Variants in WNK2 observed in about 807,000 individuals in gnomAD.
The protein encoded by WNK2 is WNK lysine deficient protein kinase 2, also known as serine/threonine-protein kinase WNK2.
WNK2 carries 67 observed loss-of-function variants against 192.1 expected under a neutral mutation model. The observed-to-expected ratio is 0.35, with a 90% CI of 0.29 to 0.43. The LOEUF (loss-of-function observed/expected upper bound fraction) is 0.43. Among genes scored for constraint, WNK2 ranks in the 20% least tolerant of loss-of-function variants. The pLI, the probability that WNK2 is intolerant of heterozygous loss-of-function variation, is 1.00. For missense variants in WNK2, 2,698 were observed against 3,089.7 expected (o/e 0.87, Z 3.01); for synonymous variants, 1,439 against 1,393.9 (o/e 1.03, Z -0.72).
At chr9:93,225,839 G>A (rs1275812084) in intron 2 of WNK2, among the ~76,000 whole-genome samples, 1 of 152,206 alleles carries the variant, frequency 6.6e-6, no homozygotes, top group African/African-American at 2.4e-5. Context: ...GCTGAGCACT[G>A]CCATCTCCTC....
intron 2 of WNK2, among the ~76,000 whole-genome samples, chr9:93,202,497 A>G (rs565724828): frequency 4.4e-4 from 67 of 151,964 alleles, no homozygotes; most frequent in Non-Finnish European, 8.7e-4. Flanking sequence ...CGGCCCTACC[A>G]GGGGAGAGGA....
At chr9:93,186,327 G>T (rs1587710461) in intron 2 of WNK2, among the ~76,000 whole-genome samples, 2 of 152,196 alleles carry the variant, frequency 1.3e-5, no homozygotes, top group Non-Finnish European at 2.9e-5. Flanking sequence ...GGCTGCAGAG[G>T]CTCTGGGCAT....
chr9:93,297,887 C>T lies in WNK2; in HGVS notation c.5743C>T (p.Gln1915Ter). The change falls in exon 24 of 30, where the codon CAG (glutamine) becomes TAG (stop). Residue 1915 changes from glutamine to a stop codon, truncating the protein, a stop_gained. Coordinates refer to ENST00000427277, the MANE Select transcript of WNK2 (RefSeq NM_006648.4). LOFTEE classifies it high-confidence loss of function. ...LKEISELQSQ[Q>*]KQEIEALYRR... ...GGAGATCTCGGAGCTGCAGAGCCAG[C>T]AGAAGCAGGAGATCGAAGCTCTGTA... 1.9e-6 allele frequency: 3 copies of T among 1,593,262 alleles called. No homozygotes were observed. Among genetic ancestry groups the T allele is most frequent in the South Asian group, 2.3e-5 (2 of 87,720 alleles).
intron 11 of WNK2, 41 bp from the exon 12 acceptor site, chr9:93,258,890 T>C: frequency 6.4e-7 from 1 of 1,559,952 alleles, no homozygotes; most frequent in Non-Finnish European, 8.8e-7. Context: ...GCAGGGACCC[T>C]GGTTGGGGCC....
Position 93,239,658 on chromosome 9 carries a change from C to A in WNK2, c.1323-99C>A. ...CATGAGGCCTGGCCTCAGGCTCCTG[C>A]AGGTGTGCCTGTCCTTGTCCTGGTG... On this transcript the variant is annotated intron_variant, in intron 6 of 29. Coordinates refer to ENST00000427277, the MANE Select transcript of WNK2 (RefSeq NM_006648.4). This position sits in a 1 kb window ranked among gnomAD's most constrained non-coding sequence, Gnocchi z 4.2. The A allele has an allele frequency of 9.6e-7, 1 of 1,046,500 alleles. No individual in the cohort carries two copies. Among genetic ancestry groups the A allele is most frequent in the Non-Finnish European group, 1.4e-6 (1 of 721,440 alleles). 64.8% of individuals were successfully genotyped at this position (1,046,500 alleles called of 1,614,324 possible).
At position 93,263,997 on chromosome 9, in the gene WNK2, G is replaced by T; in HGVS notation, c.3660G>T (p.Leu1220Phe). ...NHKMVTFKFD[L>F]DGDAPDEIAT... ...AGATGGTGACCTTCAAGTTCGACTTGGACGGGGACGCACCCGATGAAATTG... is the reference window on the plus strand; with the variant it reads ...AGATGGTGACCTTCAAGTTCGACTTTGACGGGGACGCACCCGATGAAATTG... Residue 1220 changes from leucine to phenylalanine, a missense_variant, in exon 16 of 30, where the codon TTG becomes TTT. Leu to Phe is a conservative substitution (Grantham distance 22). Around this residue, in one of 7 missense-constraint regions of WNK2, gnomAD observed 21 missense variants for 53.2 expected, o/e 0.39. Coordinates refer to ENST00000427277, the MANE Select transcript of WNK2 (RefSeq NM_006648.4). The T allele has an allele frequency of 1.2e-6, 2 of 1,613,526 alleles. No homozygotes were observed. The highest frequency in any genetic ancestry group is 1.7e-6 in the Non-Finnish European group (2 of 1,179,770).
At chr9:93,264,533 G>T (rs552607997) in intron 16 of WNK2, among the ~76,000 whole-genome samples, 5,234 of 152,244 alleles carry the variant, frequency 0.034, 255 homozygotes, top group African/African-American at 0.11. Context: ...TGAGCACCTT[G>T]TAGGCCTTCA....
In WNK2 at chr9:93,263,748, GC is replaced by G; in HGVS notation, c.3579+15del. 6.9e-7 allele frequency: 1 copy of G among 1,448,954 alleles called. No homozygotes were observed. The highest frequency in any genetic ancestry group is 9.1e-7 in the Non-Finnish European group (1 of 1,100,306). 89.8% of individuals were successfully genotyped at this position (1,448,954 alleles called of 1,614,324 possible). A position where few individuals can be genotyped will look rare whatever the true frequency, so the allele number is the denominator to read the frequency against. On this transcript the variant is annotated intron_variant, in intron 15 of 29. Coordinates refer to ENST00000427277, the MANE Select transcript of WNK2 (RefSeq NM_006648.4). ...ACCATCTTGAACGTGAGTGGGCGGG[GC>G]GTGGCGGGGGTGTGGTGGGGGTGGG...
At chr9:93,208,041 C>T (rs1193466419) in intron 2 of WNK2, among the ~76,000 whole-genome samples, 1 of 152,188 alleles carries the variant, frequency 6.6e-6, no homozygotes, top group Non-Finnish European at 1.5e-5. Flanking sequence ...CCAGGCCCTG[C>T]CTCCGGTGCC....
chr9:93,192,849 G>C (rs754729422), intron 2 of WNK2, among the ~76,000 whole-genome samples: 21 of 152,214 alleles, frequency 1.4e-4, no homozygotes, highest in Non-Finnish European at 2.5e-4. Flanking sequence ...GTGGTCCTGG[G>C]CTGGCTGGAC....
chr9:93,218,096 C>G (rs1341489204), intron 2 of WNK2, among the ~76,000 whole-genome samples: 1 of 152,142 alleles, frequency 6.6e-6, no homozygotes, highest in Non-Finnish European at 1.5e-5. Flanking sequence ...AGACCCTCAC[C>G]CACTGCCACC....
rs55960018 is a variant in WNK2 at position 93,289,503 on chromosome 9, C to T, written c.4749C>T (p.Phe1583=). Residue 1583 remains phenylalanine, a synonymous_variant, in exon 20 of 30, where the codon TTC becomes TTT. Coordinates refer to ENST00000427277, the MANE Select transcript of WNK2 (RefSeq NM_006648.4). ...CTGTGGAGGTGGGCGACAGAGACTT[C>T]ACCCTGGAGCCCCTGAGAGGGGACC... ...GTPVEVGDRD[F]TLEPLRGDQP... is the part of the protein sequence containing the mutation. 1,367 of 1,605,976 alleles carry T rather than the reference C, an allele frequency of 8.5e-4. 22 individuals are homozygous for T. The East Asian group carries it at 0.028, about 33-fold the overall frequency.
intron 2 of WNK2, among the ~76,000 whole-genome samples, chr9:93,215,220 C>T (rs1457910463): frequency 1.3e-5 from 2 of 152,214 alleles, no homozygotes; most frequent in East Asian, 3.9e-4. Context: ...CTCCTGGGTT[C>T]AAGCAATTCT....
intron 23 of WNK2, among the ~76,000 whole-genome samples, chr9:93,297,083 G>T (rs1850697470): frequency 1.8e-5 from 2 of 110,638 alleles, no homozygotes; most frequent in Admixed American, 2.0e-4. Flanking sequence ...TCCTCTTCTC[G>T]GCTTCCTCCC....
intron 23 of WNK2, 60 bp downstream of exon 23, chr9:93,293,233 T>C: frequency 1.4e-6 from 2 of 1,386,168 alleles, no homozygotes; most frequent in Non-Finnish European, 1.9e-6. Context: ...CCCTTCCCAG[T>C]TGTGAGGGAA....
In WNK2 at chr9:93,289,443, G is replaced by C; in HGVS notation, c.4689G>C (p.Glu1563Asp). 6.2e-7 allele frequency: 1 copy of C among 1,612,936 alleles called. No homozygotes were observed. The highest frequency in any genetic ancestry group is 8.5e-7 in the Non-Finnish European group (1 of 1,179,716). ...DEKLRTLLYQ[E>D]HVPTSSASAG... ...AGCTGCGGACTCTGCTCTACCAGGA[G>C]CACGTGCCCACCTCCTCAGCCTCAG... Residue 1563 changes from glutamate to aspartate, a missense_variant, in exon 20 of 30, where the codon GAG becomes GAC. Physicochemically the swap from Glu to Asp is conservative, Grantham distance 45. Transcript: ENST00000427277.
At chr9:93,262,986 G>A (rs1211136987) in intron 14 of WNK2, among the ~76,000 whole-genome samples, 5 of 152,218 alleles carry the variant, frequency 3.3e-5, no homozygotes, top group South Asian at 2.1e-4. Flanking sequence ...GTTCCAGAAC[G>A]GAGAGGCTAT....
In WNK2 at chr9:93,256,554, G is replaced by A. The variant is rs1227612283; in HGVS notation, c.2190+100G>A. The A allele has an allele frequency of 1.5e-5, 20 of 1,346,180 alleles. No homozygotes were observed. The Admixed American group carries it at 2.4e-4, about 16-fold the overall frequency. The allele number at this position is 1,346,180 out of a possible 1,614,324, so 83.4% of individuals were successfully genotyped here. ...TATGAGCACCTCCCACAGACCCTTCGCTCAAATTCTCTGTGGTTCCCCCAG... is the reference window on the plus strand; with the variant it reads ...TATGAGCACCTCCCACAGACCCTTCACTCAAATTCTCTGTGGTTCCCCCAG... On this transcript the variant is annotated intron_variant, in intron 10 of 29. Transcript: ENST00000427277.
intron 29 of WNK2, chr9:93,318,297 A>T: frequency 6.6e-7 from 1 of 1,523,320 alleles, no homozygotes; most frequent in South Asian, 1.3e-5. Flanking sequence ...TCTGTTGTAA[A>T]TGCCTTTTAC....
Sources: allele counts gnomAD v4.1 joint callset (sites outside exome capture counted in the v4.1 genomes callset), GRCh38; gene constraint gnomAD v4.1.1; regional missense constraint gnomAD v4.1.1; non-coding constraint Gnocchi (gnomAD v3.1); transcripts MANE v1.5; gene names NCBI Gene and HGNC (gene_info 2026-07-23, HGNC 2026-07-21).